Variants in RCOR1 observed in about 807,000 individuals in gnomAD.
RCOR1 encodes the protein REST corepressor.
RCOR1 carries 12 observed loss-of-function variants against 64.0 expected under a neutral mutation model. The ratio of observed to expected loss-of-function variants is 0.19; its 90% CI spans 0.12 to 0.30. The LOEUF (loss-of-function observed/expected upper bound fraction) is 0.30. Ranked by LOEUF, RCOR1 falls within the 10% of genes least tolerant of loss-of-function variation. The probability of loss-of-function intolerance (pLI) is 1.00; values close to 1 mark genes in which losing one functional copy is unlikely to be tolerated. For missense variants in RCOR1, 502 were observed against 621.2 expected, an observed-to-expected ratio of 0.81 and a Z score of 2.04; for synonymous variants, 279 against 227.2, an observed-to-expected ratio of 1.23 and a Z score of -2.05.
chr14:102,673,742 A>G (rs1439857065), intron 2 of RCOR1, among the ~76,000 whole-genome samples: 1 of 151,994 alleles, frequency 6.6e-6, no homozygotes, highest in East Asian at 1.9e-4. Flanking sequence ...CAGCCTCCCA[A>G]GTAGCTGGGA....
chr14:102,657,432 G>A (rs1045690296), intron 2 of RCOR1: 1 of 984,908 alleles, frequency 1.0e-6, no homozygotes, highest in Admixed American at 6.2e-5. Context: ...TGTTGCTTAA[G>A]TTAAGACTAA....
chr14:102,602,368 A>G (rs1893419864), intron 2 of RCOR1, among the ~76,000 whole-genome samples: 1 of 147,618 alleles, frequency 6.8e-6, no homozygotes, highest in African/African-American at 2.5e-5. Context: ...GGCTTATATT[A>G]GCATTTTTTT....
chr14:102,695,825 A>C (rs1407683801), intron 3 of RCOR1, among the ~76,000 whole-genome samples: 1 of 151,128 alleles, frequency 6.6e-6, no homozygotes, highest in Non-Finnish European at 1.5e-5. Flanking sequence ...CTGGGATTAT[A>C]GGTGTGAGCC....
chr14:102,718,184 T>C (rs186808075), intron 8 of RCOR1, among the ~76,000 whole-genome samples: 1 of 152,310 alleles, frequency 6.6e-6, no homozygotes, highest in East Asian at 1.9e-4. Flanking sequence ...ACTGTGCCAT[T>C]CTCAGCTGTT....
intron 3 of RCOR1, among the ~76,000 whole-genome samples, chr14:102,691,192 C>T (rs1406543080): frequency 6.6e-6 from 1 of 152,158 alleles, no homozygotes; most frequent in Non-Finnish European, 1.5e-5. Flanking sequence ...TCATTGAGCG[C>T]CGTGAAGGAG....
chr14:102,695,693 G>A (rs1895632096), intron 3 of RCOR1, among the ~76,000 whole-genome samples: 2 of 151,692 alleles, frequency 1.3e-5, no homozygotes, highest in South Asian at 2.1e-4. Context: ...TTACAGGCAT[G>A]AGCCACCATG....
intron 5 of RCOR1, 55 bp from the exon 6 acceptor site, chr14:102,708,410 G>A (rs1567442898): frequency 2.8e-6 from 3 of 1,081,920 alleles, no homozygotes; most frequent in Non-Finnish European, 2.8e-6. Flanking sequence ...TTAAACATTT[G>A]ATTTTTAAAG....
intron 2 of RCOR1, among the ~76,000 whole-genome samples, chr14:102,598,099 G>A (rs1893301855): frequency 6.6e-6 from 1 of 152,216 alleles, no homozygotes. Context: ...TGGGATTATA[G>A]GCGTGAGCCA....
At chr14:102,667,828 T>C (rs1332330054) in intron 2 of RCOR1, among the ~76,000 whole-genome samples, 1 of 152,134 alleles carries the variant, frequency 6.6e-6, no homozygotes. Flanking sequence ...ATACAAGTGA[T>C]AGTGTTAATT....
intron 2 of RCOR1, among the ~76,000 whole-genome samples, chr14:102,623,387 A>ATTGT (rs1555462469): frequency 8.0e-6 from 1 of 124,816 alleles, no homozygotes; most frequent in Non-Finnish European, 1.7e-5. Context: ...TTATTTATTT[A>ATTGT]TTATTTATTT....
chr14:102,592,949 G>GGCCGCCTCCGCCTCC lies in RCOR1; in HGVS notation c.70_84dup (p.Ser24_Ala28dup). 1.7e-6 allele frequency: 2 copies of GGCCGCCTCCGCCTCC among 1,200,752 alleles called. No individual in the cohort carries two copies. Among genetic ancestry groups the GGCCGCCTCCGCCTCC allele is most frequent in the Admixed American group, 3.9e-5 (1 of 25,374 alleles). The allele number at this position is 1,200,752 out of a possible 1,614,324, so 74.4% of individuals were successfully genotyped here. ...GGAAGCGGAGAGGGAGGAACAACGC[G>GGCCGCCTCCGCCTCC]GCCGCCTCCGCCTCCGCCGCCGCCG... On this transcript the variant is annotated inframe_insertion, in exon 1 of 12. Coordinates refer to ENST00000262241, the MANE Select transcript of RCOR1 (RefSeq NM_015156.4).
chr14:102,684,286 A>G (rs12590775), intron 3 of RCOR1, among the ~76,000 whole-genome samples: 67,621 of 152,018 alleles, frequency 0.44, 17,150 homozygotes, highest in African/African-American at 0.71. Context: ...AATTGAAGAG[A>G]AATATCAAGA....
In RCOR1 at chr14:102,728,521, C is replaced by A. The variant is rs1462066300; in HGVS notation, c.*2015C>A. ...TGCTTCCCTCAAGACCTCCTTCTTG[C>A]TAACAGAAGCAGTAGGCAATTGCTG... On this transcript the variant is annotated 3_prime_UTR_variant, in exon 12 of 12. Coordinates refer to ENST00000262241, the MANE Select transcript of RCOR1 (RefSeq NM_015156.4). The A allele has an allele frequency of 1.3e-5, 2 of 152,234 alleles. No individual in the cohort carries two copies. Among genetic ancestry groups the A allele is most frequent in the African/African-American group, 4.8e-5 (2 of 41,458 alleles). 9.4% of individuals were successfully genotyped at this position (152,234 alleles called of 1,614,324 possible).
chr14:102,620,390 A>G (rs887014983), intron 2 of RCOR1, among the ~76,000 whole-genome samples: 9 of 147,104 alleles, frequency 6.1e-5, no homozygotes, highest in Admixed American at 4.8e-4. Flanking sequence ...CAACATGGAG[A>G]AACCCCATCT....
intron 2 of RCOR1, among the ~76,000 whole-genome samples, chr14:102,628,921 C>T (rs145317898): frequency 3.4e-5 from 5 of 147,324 alleles, no homozygotes; most frequent in African/African-American, 1.0e-4. Flanking sequence ...GAGACGGTCT[C>T]GCTCTGTCAC....
intron 4 of RCOR1, among the ~76,000 whole-genome samples, 159 bp from the exon 5 acceptor site, chr14:102,707,192 G>A (rs1895875097): frequency 2.0e-5 from 3 of 152,038 alleles, no homozygotes; most frequent in Non-Finnish European, 4.4e-5. Context: ...CAGTTACAAA[G>A]AATAGAAAAA....
rs548200212 is a variant in RCOR1, at chr14:102,705,594, G to A, written c.499-1757G>A. Reference sequence around the variant, plus strand: ...CCCCCAAGTAGCTGCAGTTACAGGCGCGCACCACCATGCCTGGCTAACTTG... The same window carrying A: ...CCCCCAAGTAGCTGCAGTTACAGGCACGCACCACCATGCCTGGCTAACTTG... On this transcript the variant is annotated intron_variant, in intron 4 of 11. Coordinates refer to ENST00000262241, the MANE Select transcript of RCOR1 (RefSeq NM_015156.4). 7.9e-5 allele frequency among the ~76,000 whole-genome samples: 12 copies of A among 152,112 alleles called. No individual in the cohort carries two copies. The South Asian group carries it at 1.7e-3, about 21-fold the overall frequency.
intron 2 of RCOR1, among the ~76,000 whole-genome samples, chr14:102,666,186 G>C (rs1894913637): frequency 6.6e-6 from 1 of 152,162 alleles, no homozygotes; most frequent in Admixed American, 6.5e-5. Context: ...AAGCAAAAAG[G>C]CCCAGAAATG....
In RCOR1 at chr14:102,655,310, C is replaced by G. The variant is rs961917787; in HGVS notation, c.362-26585C>G. ...TTTCTACAAGGATTCTGTTTAAATACTGGAGAATATCTGACCTGTTGTACT... is the reference window on the plus strand; with the variant it reads ...TTTCTACAAGGATTCTGTTTAAATAGTGGAGAATATCTGACCTGTTGTACT... On this transcript the variant is annotated intron_variant, in intron 2 of 11. Transcript: ENST00000262241. 50 of 984,764 alleles carry G rather than the reference C, an allele frequency of 5.1e-5. No homozygotes were observed. In the Admixed American group the frequency reaches 6.8e-4, roughly 13 times the overall value. The allele number at this position is 984,764 out of a possible 1,614,324, so 61.0% of individuals were successfully genotyped here. A position where few individuals can be genotyped will look rare whatever the true frequency, so the allele number is the denominator to read the frequency against.
Sources: gnomAD v4.1 joint callset for allele counts (sites outside exome capture counted in the v4.1 genomes callset) on GRCh38, gnomAD v4.1.1 for gene constraint, MANE v1.5 for transcripts, NCBI Gene and HGNC (gene_info 2026-07-23, HGNC 2026-07-21) for gene names.